Variants in ROBO2 observed in about 807,000 individuals in gnomAD.
ROBO2 encodes roundabout homolog 2.
A neutral mutation model predicts 160.8 loss-of-function variants in ROBO2; 53 were observed. The observed-to-expected ratio is 0.33, with a 90% CI of 0.26 to 0.41. The LOEUF (loss-of-function observed/expected upper bound fraction) is 0.41, where lower values mean the gene tolerates loss of function less well. Ranked by LOEUF, ROBO2 falls within the 10% of genes least tolerant of loss-of-function variation. The pLI is 1.00. For missense variants in ROBO2, 1,577 were observed against 1,722.4 expected, an observed-to-expected ratio of 0.92 and a Z score of 1.49; for synonymous variants, 664 against 611.7, an observed-to-expected ratio of 1.09 and a Z score of -1.26.
chr3:77,428,337 A>ATT lies in ROBO2; in HGVS notation c.389-49076_389-49075insTT, dbSNP rs1491236295. Among the ~76,000 whole-genome samples the ATT allele has an allele frequency of 4.8e-4, 62 of 128,192 alleles. 1 individual carries two copies. The highest frequency in any genetic ancestry group is 5.2e-4 in the Non-Finnish European group (33 of 63,290). 84.1% of individuals were successfully genotyped at this position (128,192 alleles called of 152,430 possible). ...AGGCATTCACAGCAAAACTTAGGTA[A>ATT]TATTTTTTTTTTTTTTTTTTTTTTT... is the stretch of plus-strand genomic sequence containing the variant. On this transcript the variant is annotated intron_variant, in intron 2 of 25. Coordinates refer to ENST00000461745, the Ensembl canonical transcript of ROBO2.
intron 2 of ROBO2, among the ~76,000 whole-genome samples, chr3:76,993,128 A>G (rs2060787798): frequency 6.6e-6 from 1 of 152,158 alleles, no homozygotes; most frequent in Admixed American, 6.6e-5. Context: ...TAAAATCTCG[A>G]AAGTTTTTAA....
intron 2 of ROBO2, among the ~76,000 whole-genome samples, chr3:76,600,515 A>G (rs1478768090): frequency 1.3e-5 from 2 of 152,150 alleles, no homozygotes; most frequent in African/African-American, 4.8e-5. Context: ...CCAAAGGTAA[A>G]AGGCCTATCT....
chr3:76,014,202 C>T (rs2066318527), intron 2 of ROBO2, among the ~76,000 whole-genome samples: 1 of 130,778 alleles, frequency 7.6e-6, no homozygotes, highest in Admixed American at 7.5e-5. Flanking sequence ...CGTGTAATCC[C>T]AGAAGTAATA....
intron 2 of ROBO2, among the ~76,000 whole-genome samples, chr3:77,155,808 G>A (rs547850508): frequency 1.3e-5 from 2 of 152,088 alleles, no homozygotes; most frequent in African/African-American, 2.4e-5. Flanking sequence ...ACTTCATGTC[G>A]TTAACTATTC....
chr3:76,928,862 T>C (rs1427247491), intron 2 of ROBO2, among the ~76,000 whole-genome samples: 1 of 152,170 alleles, frequency 6.6e-6, no homozygotes, highest in African/African-American at 2.4e-5. Flanking sequence ...ATATTTTATA[T>C]CCTGATGAAT....
At chr3:76,761,731 T>G (rs1432614671) in intron 2 of ROBO2, among the ~76,000 whole-genome samples, 2 of 151,728 alleles carry the variant, frequency 1.3e-5, no homozygotes, top group African/African-American at 4.8e-5. Context: ...CTTTGTATAA[T>G]GCAATAAATA....
intron 2 of ROBO2, among the ~76,000 whole-genome samples, chr3:76,257,466 G>A (rs921216383): frequency 2.6e-5 from 4 of 152,110 alleles, no homozygotes; most frequent in Non-Finnish European, 5.9e-5. Flanking sequence ...AGAATGGCAG[G>A]CACATTATTA....
At chr3:76,280,287 AC>A (rs1708162188) in intron 2 of ROBO2, among the ~76,000 whole-genome samples, 1 of 152,062 alleles carries the variant, frequency 6.6e-6, no homozygotes, top group African/African-American at 2.4e-5. Context: ...TTAAACCATA[AC>A]CCCCAGTGTG....
rs145092019 is a variant in ROBO2 at position 75,957,555 on chromosome 3, A to G, written c.109+19953A>G. Among the ~76,000 whole-genome samples, 8 of 151,298 alleles carry G rather than the reference A, an allele frequency of 5.3e-5. No homozygotes were observed. In the East Asian group the frequency reaches 1.6e-3, roughly 30 times the overall value. On this transcript the variant is annotated intron_variant, in intron 2 of 26. Coordinates refer to the ROBO2 transcript ENST00000487694. ...CAGTATCCACTTTAAAGTCAATGACATTTAGTGTTTTTTACTTTACAGTTC... is the reference window on the plus strand; with the variant it reads ...CAGTATCCACTTTAAAGTCAATGACGTTTAGTGTTTTTTACTTTACAGTTC...
intron 2 of ROBO2, among the ~76,000 whole-genome samples, chr3:76,707,731 G>GTGTGTATATATATATA (rs376823667): frequency 4.9e-4 from 66 of 134,198 alleles, no homozygotes; most frequent in Non-Finnish European, 9.3e-4. Context: ...ACATGTGTGT[G>GTGTGTATATATATATA]TATATATATA....
In ROBO2 at chr3:77,503,326, C is replaced by T. The variant is rs6806434; in HGVS notation, c.806+9944C>T. ...AGATCACGAGGTCAGGAGATCGAGA[C>T]CATCCTGACTAACACGGTGAAACCC... is the stretch of plus-strand genomic sequence containing the variant. On this transcript the variant is annotated intron_variant, in intron 5 of 25. Transcript: ENST00000461745. 1.7e-3 allele frequency among the ~76,000 whole-genome samples: 262 copies of T among 151,556 alleles called. 3 individuals carry two copies. Among genetic ancestry groups the T allele is most frequent in the African/African-American group, 6.0e-3 (250 of 41,438 alleles).
intron 2 of ROBO2, among the ~76,000 whole-genome samples, chr3:77,457,838 GTTAAA>G (rs1322398472): frequency 1.3e-5 from 2 of 151,850 alleles, no homozygotes; most frequent in Non-Finnish European, 2.9e-5. Context: ...TTTAATATTT[GTTAAA>G]TTAAAGTAAT....
chr3:76,325,404 A>G (rs897718884), intron 2 of ROBO2, among the ~76,000 whole-genome samples: 7 of 152,196 alleles, frequency 4.6e-5, no homozygotes, highest in Admixed American at 3.3e-4. Flanking sequence ...TAAGTTGATA[A>G]AAGGAAGTCT....
At chr3:75,925,331 G>T (rs139752009) in intron 1 of ROBO2, among the ~76,000 whole-genome samples, 86 of 152,106 alleles carry the variant, frequency 5.7e-4, no homozygotes, top group Non-Finnish European at 2.9e-4. Flanking sequence ...TGGAGGCTGC[G>T]GTGAACCGTG....
chr3:76,983,559 G>T (rs1168333748), intron 2 of ROBO2, among the ~76,000 whole-genome samples: 1 of 151,890 alleles, frequency 6.6e-6, no homozygotes, highest in Non-Finnish European at 1.5e-5. Flanking sequence ...ACCCAATATT[G>T]GAATAGGAAT....
chr3:76,392,908 A>G (rs1484504510), intron 2 of ROBO2, among the ~76,000 whole-genome samples: 1 of 152,160 alleles, frequency 6.6e-6, no homozygotes, highest in Non-Finnish European at 1.5e-5. Context: ...CTTTTGCTAA[A>G]CTGTCTAGAA....
chr3:77,307,165 A>G (rs913213660), intron 2 of ROBO2, among the ~76,000 whole-genome samples: 1 of 152,160 alleles, frequency 6.6e-6, no homozygotes, highest in Non-Finnish European at 1.5e-5. Context: ...TGCCTCCTAC[A>G]TGCATCCTGG....
chr3:76,583,410 G>A (rs1297451708), intron 2 of ROBO2, among the ~76,000 whole-genome samples: 3 of 152,124 alleles, frequency 2.0e-5, no homozygotes, highest in Non-Finnish European at 4.4e-5. Context: ...CACACACTCA[G>A]GCAAACACTT....
At position 76,136,443 on chromosome 3, in the gene ROBO2, C is replaced by T. The variant is rs546790258; in HGVS notation, c.109+198841C>T. 2.5e-4 allele frequency among the ~76,000 whole-genome samples: 38 copies of T among 152,134 alleles called. No homozygotes were observed. In the South Asian group the frequency reaches 2.7e-3, roughly 11 times the overall value. On this transcript the variant is annotated intron_variant, in intron 2 of 26. Coordinates refer to the ROBO2 transcript ENST00000487694. ...AAAAAACTTGATAATGATTGAAAAA[C>T]GGATAAACAACCTTCCTTCTCAATT...
Sources: allele counts gnomAD v4.1 joint callset (sites outside exome capture counted in the v4.1 genomes callset), GRCh38; gene constraint gnomAD v4.1.1; transcripts MANE v1.5; gene names NCBI Gene and HGNC (gene_info 2026-07-23, HGNC 2026-07-21).